PSD3: variants seen among roughly 807,000 people sequenced by gnomAD.
PSD3 encodes the protein PH and SEC7 domain-containing protein 3.
Under a neutral mutation model 105.5 loss-of-function variants are expected in PSD3, and 49 were observed. The ratio of observed to expected loss-of-function variants is 0.46; its 90% CI spans 0.37 to 0.59. The LOEUF (loss-of-function observed/expected upper bound fraction) is 0.59, where lower values mean the gene tolerates loss of function less well. Ranked by LOEUF, PSD3 falls within the 20% of genes least tolerant of loss-of-function variation. The probability of loss-of-function intolerance (pLI) is 0.00; values close to 1 mark genes in which losing one functional copy is unlikely to be tolerated. For synonymous variants in PSD3, 557 were observed against 457.8 expected, an observed-to-expected ratio of 1.22 and a Z score of -2.77; for missense variants, 1,561 against 1,263.8, an observed-to-expected ratio of 1.24 and a Z score of -3.57.
chr8:18,706,400 T>C (rs190584565), intron 9 of PSD3, among the ~76,000 whole-genome samples: 11 of 152,144 alleles, frequency 7.2e-5, no homozygotes, highest in Admixed American at 3.9e-4. Context: ...CAAACACACA[T>C]TGGTTAAAAA....
chr8:18,718,874 A>G (rs1051795739), intron 9 of PSD3, among the ~76,000 whole-genome samples: 1 of 152,154 alleles, frequency 6.6e-6, no homozygotes, highest in Non-Finnish European at 1.5e-5. Context: ...AAAGGAGGCA[A>G]TGGGGAGAGC....
intron 4 of PSD3, among the ~76,000 whole-genome samples, chr8:18,866,360 C>A (rs1395910593): frequency 6.6e-6 from 1 of 152,170 alleles, no homozygotes; most frequent in Non-Finnish European, 1.5e-5. Context: ...ACCAGGCAAC[C>A]AGTTCATATG....
intron 1 of PSD3, chr8:18,940,356 T>G (rs1481106592): frequency 6.6e-6 from 1 of 152,292 alleles, no homozygotes; most frequent in Non-Finnish European, 1.5e-5. Context: ...AAAAGTTCCC[T>G]GGTGACCATG....
intron 10 of PSD3, among the ~76,000 whole-genome samples, chr8:18,651,931 T>C (rs1015592644): frequency 6.6e-6 from 1 of 152,112 alleles, no homozygotes; most frequent in East Asian, 1.9e-4. Context: ...GAGGTTAAAG[T>C]ACAGGGAAGA....
chr8:18,916,669 T>C (rs920337712), intron 2 of PSD3, among the ~76,000 whole-genome samples: 1 of 151,952 alleles, frequency 6.6e-6, no homozygotes, highest in Non-Finnish European at 1.5e-5. Context: ...TCAGACAGCA[T>C]GGTGCCTATA....
At position 18,529,595 on chromosome 8, in the gene PSD3, T is replaced by C. The variant is rs1177279678; in HGVS notation, c.*6148A>G. ...CTGTCCCCTAAGCTTCAATTTGGTC[T>C]AATTACTCTTGTTCCTACAGTTTTA... On this transcript the variant is annotated 3_prime_UTR_variant, in exon 16 of 16. Transcript: ENST00000327040. 1 of 152,642 alleles carries C rather than the reference T, an allele frequency of 6.6e-6. No homozygotes were observed. The highest frequency in any genetic ancestry group is 1.9e-4 in the East Asian group (1 of 5,192). 9.5% of individuals were successfully genotyped at this position (152,642 alleles called of 1,614,324 possible).
chr8:18,826,365 T>C (rs2129449911), intron 4 of PSD3, among the ~76,000 whole-genome samples: 1 of 152,306 alleles, frequency 6.6e-6, no homozygotes, highest in Non-Finnish European at 1.5e-5. Flanking sequence ...CTCTGGAGAA[T>C]CCTGTTACAA....
Position 18,567,338 on chromosome 8 carries a change from A to C in PSD3, c.2784+5190T>G, listed in dbSNP as rs546893849. ...TATCGTGTAATGTGATTTACCTTTT[A>C]TGCGACATGCTCTTTATGTGGTATG... is the stretch of plus-strand genomic sequence containing the variant. On this transcript the variant is annotated intron_variant, in intron 14 of 15. Transcript: ENST00000327040. Among the ~76,000 whole-genome samples, 75 of 151,962 alleles carry C rather than the reference A, an allele frequency of 4.9e-4. 1 individual carries two copies. Among genetic ancestry groups the C allele is most frequent in the Middle Eastern group, 3.4e-3 (1 of 294 alleles).
At chr8:18,570,970 C>T (rs544478886) in intron 14 of PSD3, among the ~76,000 whole-genome samples, 5 of 152,040 alleles carry the variant, frequency 3.3e-5, no homozygotes, top group South Asian at 4.2e-4. Flanking sequence ...ACCAGTTCTC[C>T]TGTGTCCACC....
At chr8:18,717,439 A>G (rs1382230758) in intron 9 of PSD3, among the ~76,000 whole-genome samples, 1 of 152,184 alleles carries the variant, frequency 6.6e-6, no homozygotes, top group Admixed American at 6.5e-5. Context: ...GTCACCCATT[A>G]TAAATGTGGT....
At chr8:18,564,520 T>C (rs567410083) in intron 14 of PSD3, among the ~76,000 whole-genome samples, 2 of 151,842 alleles carry the variant, frequency 1.3e-5, no homozygotes, top group African/African-American at 2.4e-5. Context: ...TCCCAGCTAC[T>C]TGGGAGGCTG....
chr8:18,879,051 A>ACAC (rs1817919933), intron 2 of PSD3, among the ~76,000 whole-genome samples: 37 of 138,648 alleles, frequency 2.7e-4, no homozygotes, highest in Admixed American at 2.9e-4. Context: ...CACACACACA[A>ACAC]ACACACACAC....
At chr8:18,626,584 G>A (rs6991100) in intron 11 of PSD3, among the ~76,000 whole-genome samples, 119,756 of 152,060 alleles carry the variant, frequency 0.79, 47,297 homozygotes, top group African/African-American at 0.83. Context: ...ATTTTTTTCT[G>A]TGTAGTGTAA....
intron 1 of PSD3, among the ~76,000 whole-genome samples, chr8:19,026,880 C>A (rs1232073274): frequency 6.6e-6 from 1 of 151,390 alleles, no homozygotes; most frequent in Non-Finnish European, 1.5e-5. Context: ...CCCCCCCACC[C>A]AAAAATATAT....
At chr8:19,029,658 A>G (rs1433422358) in intron 1 of PSD3, among the ~76,000 whole-genome samples, 4 of 152,266 alleles carry the variant, frequency 2.6e-5, no homozygotes, top group South Asian at 2.1e-4. Context: ...TTACCTCCCA[A>G]TGGGTTCCTC....
intron 9 of PSD3, among the ~76,000 whole-genome samples, chr8:18,757,646 A>T (rs970903982): frequency 3.9e-5 from 6 of 152,164 alleles, no homozygotes; most frequent in Admixed American, 6.5e-5. Context: ...TACTGTCACC[A>T]CCAGCATCCG....
At chr8:18,775,013 C>G (rs891047233) in intron 8 of PSD3, 7 of 455,278 alleles carry the variant, frequency 1.5e-5, no homozygotes, top group South Asian at 1.1e-4. Context: ...ATCCCCTGTG[C>G]CCCTCCTCCT....
chr8:18,616,562 T>G (rs1441756159), intron 11 of PSD3, among the ~76,000 whole-genome samples: 2 of 152,020 alleles, frequency 1.3e-5, no homozygotes, highest in African/African-American at 4.8e-5. Flanking sequence ...CACCTACTTG[T>G]GAGATTTCAT....
intron 1 of PSD3, among the ~76,000 whole-genome samples, chr8:18,956,307 G>C (rs188032664): frequency 2.6e-5 from 4 of 152,220 alleles, no homozygotes; most frequent in Non-Finnish European, 5.9e-5. Context: ...CACAACACTG[G>C]TATCCCGCTA....
Sources: gnomAD v4.1 joint callset for allele counts (sites outside exome capture counted in the v4.1 genomes callset) on GRCh38, gnomAD v4.1.1 for gene constraint, MANE v1.5 for transcripts, NCBI Gene and HGNC (gene_info 2026-07-23, HGNC 2026-07-21) for gene names.